The following EIF2A variants were observed in gnomAD, a reference collection of about 807,000 sequenced individuals.
The protein encoded by EIF2A is 65 kDa eukaryotic translation initiation factor 2A.
In EIF2A, 62 loss-of-function variants were observed where a neutral mutation model predicts 75.2. That is an observed-to-expected ratio of 0.82 (90% CI 0.67 to 1.02). EIF2A has a LOEUF of 1.02. EIF2A is among the 50% of genes least tolerant of loss of function. The pLI is 0.00. For missense variants in EIF2A, 611 were observed against 677.7 expected, an observed-to-expected ratio of 0.90 and a Z score of 1.09; for synonymous variants, 207 against 239.0, an observed-to-expected ratio of 0.87 and a Z score of 1.23.
chr3:150,552,368 AAGGACTGT>A lies in EIF2A; in HGVS notation c.43_50del (p.Gly15HisfsTer28). 6.4e-7 allele frequency: 1 copy of A among 1,552,074 alleles called. No individual in the cohort carries two copies. The highest frequency in any genetic ancestry group is 8.7e-7 in the Non-Finnish European group (1 of 1,147,168). Reference sequence around the variant, plus strand: ...TTTACTTCTTTAGTCCGAGGATCAGAAGGACTGTACATGGTGAATGGACCACCACATTT... The same window carrying A: ...TTTACTTCTTTAGTCCGAGGATCAGAACATGGTGAATGGACCACCACATTT... On this transcript the variant is annotated frameshift_variant, in exon 2 of 14. Transcript: ENST00000460851. LOFTEE classifies it high-confidence loss of function.
Position 150,582,049 on chromosome 3 carries a change from G to A in EIF2A, c.1626+303G>A, listed in dbSNP as rs184441931. 2.9e-3 allele frequency among the ~76,000 whole-genome samples: 448 copies of A among 151,962 alleles called. 1 individual carries two copies. The highest frequency in any genetic ancestry group is 7.6e-3 in the African/African-American group (315 of 41,428). On this transcript the variant is annotated intron_variant, in intron 12 of 13. Coordinates refer to ENST00000460851, the MANE Select transcript of EIF2A (RefSeq NM_032025.5). ...GGAGTCTTGCCCTGTTGCCCAGGCC[G>A]GAGTACAGTGCCACAACCTTGGCTC...
chr3:150,548,856 C>T (rs1184106400), intron 1 of EIF2A, among the ~76,000 whole-genome samples: 2 of 152,212 alleles, frequency 1.3e-5, no homozygotes, highest in African/African-American at 2.4e-5. Context: ...CCGATTCACA[C>T]TGCAAATTGG....
intron 5 of EIF2A, 99 bp downstream of exon 5, chr3:150,563,713 A>T: frequency 1.0e-6 from 1 of 965,390 alleles, no homozygotes; most frequent in African/African-American, 1.7e-5. Flanking sequence ...AAAATAACTT[A>T]TCAGACAAAA....
intron 11 of EIF2A, among the ~76,000 whole-genome samples, chr3:150,580,954 A>G (rs1235160935): frequency 1.3e-5 from 2 of 152,192 alleles, no homozygotes; most frequent in Non-Finnish European, 2.9e-5. Flanking sequence ...GGGATTTTCC[A>G]TGTAATATTT....
At chr3:150,562,780 T>C in intron 4 of EIF2A, 120 bp downstream of exon 4, 2 of 670,754 alleles carry the variant, frequency 3.0e-6, no homozygotes, top group Non-Finnish European at 5.0e-6. Flanking sequence ...TAGTAAATAG[T>C]GTTTGTGAAT....
At position 150,585,499 on chromosome 3, in the gene EIF2A, A is replaced by T. The variant is rs1559889562; in HGVS notation, c.*1588A>T. 6.9e-6 allele frequency: 1 copy of T among 144,788 alleles called. No individual in the cohort carries two copies. Among genetic ancestry groups the T allele is most frequent in the African/African-American group, 2.5e-5 (1 of 39,370 alleles). 9.0% of individuals were successfully genotyped at this position (144,788 alleles called of 1,614,324 possible). On this transcript the variant is annotated 3_prime_UTR_variant, in exon 14 of 14. Transcript: ENST00000460851. ...GTGCCATTGCACTCCAAGCCTGGGC[A>T]ACAAGAGTGAAACCGTCTCACACAC... is the stretch of plus-strand genomic sequence containing the variant.
intron 3 of EIF2A, among the ~76,000 whole-genome samples, chr3:150,559,090 T>C (rs569258310): frequency 6.6e-6 from 1 of 152,360 alleles, no homozygotes; most frequent in South Asian, 2.1e-4. Flanking sequence ...GTTGCTTGGC[T>C]TAAAGTTATC....
At chr3:150,562,769 A>G in intron 4 of EIF2A, 109 bp downstream of exon 4, 1 of 715,524 alleles carries the variant, frequency 1.4e-6, no homozygotes, top group Non-Finnish European at 2.3e-6. Context: ...AGTCTTTATG[A>G]TAGTAAATAG....
At position 150,584,337 on chromosome 3, in the gene EIF2A, A is replaced by G. The variant is rs190644335; in HGVS notation, c.*426A>G. The G allele has an allele frequency of 6.5e-6, 1 of 153,002 alleles. No homozygotes were observed. The highest frequency in any genetic ancestry group is 1.9e-4 in the East Asian group (1 of 5,220). 9.5% of individuals were successfully genotyped at this position (153,002 alleles called of 1,614,324 possible). On this transcript the variant is annotated 3_prime_UTR_variant, in exon 14 of 14. Coordinates refer to ENST00000460851, the MANE Select transcript of EIF2A (RefSeq NM_032025.5). ...TAATTCTCACAAGACTCTATGAAGT[A>G]ATTCTTTTAATCTCTATTTTATAAA...
intron 12 of EIF2A, among the ~76,000 whole-genome samples, chr3:150,582,247 C>T (rs185098845): frequency 2.0e-4 from 31 of 152,024 alleles, no homozygotes; most frequent in Admixed American, 1.4e-3. Flanking sequence ...GTAATCCACC[C>T]GCCTCGACCT....
intron 5 of EIF2A, among the ~76,000 whole-genome samples, chr3:150,563,860 C>T (rs1349652228): frequency 2.6e-5 from 4 of 152,224 alleles, no homozygotes; most frequent in African/African-American, 9.6e-5. Flanking sequence ...CTCTGTCACC[C>T]AGGCTGGAGT....
chr3:150,564,421 A>T (rs1229152821), intron 6 of EIF2A, 40 bp downstream of exon 6: 4 of 1,487,116 alleles, frequency 2.7e-6, no homozygotes, highest in Non-Finnish European at 3.6e-6. Context: ...TACTTACTGT[A>T]ATCGTATACA....
intron 9 of EIF2A, among the ~76,000 whole-genome samples, chr3:150,570,453 C>T (rs1232696238): frequency 6.6e-6 from 1 of 150,878 alleles, no homozygotes; most frequent in East Asian, 1.9e-4. Context: ...ATAATCCCAA[C>T]TATCTAGGAG....
intron 1 of EIF2A, among the ~76,000 whole-genome samples, chr3:150,547,474 G>A (rs1390853370): frequency 6.6e-6 from 1 of 152,206 alleles, no homozygotes; most frequent in East Asian, 1.9e-4. Context: ...AAAGACTGTA[G>A]TGTTGGAGGA....
At chr3:150,557,448 C>T in intron 2 of EIF2A, 1 of 160,912 alleles carries the variant, frequency 6.2e-6, no homozygotes, top group South Asian at 1.4e-4. Flanking sequence ...ACTCTTTCGC[C>T]CAGGCTGGAC....
At position 150,578,253 on chromosome 3, in the gene EIF2A, T is replaced by G. The variant is rs555325776; in HGVS notation, c.1497+2491T>G. The stretch of plus-strand genomic sequence containing the variant: ...CTAAGATTCCTTTATACTTATTATA[T>G]AAATAATTACTTACATAATTACATA... On this transcript the variant is annotated intron_variant, in intron 11 of 13. Transcript: ENST00000460851. 1.8e-4 allele frequency among the ~76,000 whole-genome samples: 27 copies of G among 149,980 alleles called. No individual in the cohort carries two copies. In the South Asian group the frequency reaches 5.4e-3, roughly 30 times the overall value.
Position 150,565,385 on chromosome 3 carries a change from G to GT in EIF2A, c.475+1010dup, listed in dbSNP as rs553557439. ...GTGGTTGCAAATTGTTGATACTCTG[G>GT]TTTTTTCTCCCTCACTTATTTTTCA... is the stretch of plus-strand genomic sequence containing the variant. On this transcript the variant is annotated intron_variant, in intron 6 of 13. Coordinates refer to ENST00000460851, the MANE Select transcript of EIF2A (RefSeq NM_032025.5). Among the ~76,000 whole-genome samples, 611 of 152,204 alleles carry GT rather than the reference G, an allele frequency of 4.0e-3. 8 individuals are homozygous for GT. The highest frequency in any genetic ancestry group is 0.02 in the Middle Eastern group (6 of 294).
At chr3:150,559,594 G>A (rs1490830702) in intron 3 of EIF2A, among the ~76,000 whole-genome samples, 4 of 148,226 alleles carry the variant, frequency 2.7e-5, no homozygotes, top group African/African-American at 7.5e-5. Context: ...AGGTTCAAGC[G>A]ATTCGCCTGC....
intron 3 of EIF2A, among the ~76,000 whole-genome samples, chr3:150,561,571 C>A (rs1374551527): frequency 6.6e-6 from 1 of 152,008 alleles, no homozygotes; most frequent in Non-Finnish European, 1.5e-5. Flanking sequence ...GAGTGAGACT[C>A]CATCTCAAAT....
Sources: allele counts gnomAD v4.1 joint callset (sites outside exome capture counted in the v4.1 genomes callset), GRCh38; gene constraint gnomAD v4.1.1; transcripts MANE v1.5; gene names NCBI Gene and HGNC (gene_info 2026-07-23, HGNC 2026-07-21).